The following RORA variants were observed in gnomAD, a reference collection of about 807,000 sequenced individuals.
RORA encodes RAR related orphan receptor A, also known as nuclear receptor ROR-alpha.
Under a neutral mutation model 69.5 loss-of-function variants are expected in RORA, and 7 were observed. That is an observed-to-expected ratio of 0.10 (90% CI 0.06 to 0.19). The LOEUF (loss-of-function observed/expected upper bound fraction) is 0.19. Among genes scored for constraint, RORA ranks in the 10% least tolerant of loss-of-function variants. RORA has a pLI of 1.00. For synonymous variants in RORA, 261 were observed against 240.8 expected, an observed-to-expected ratio of 1.08 and a Z score of -0.78; for missense variants, 457 against 663.0, an observed-to-expected ratio of 0.69 and a Z score of 3.41.
At chr15:61,133,043 G>A (rs2079205928) in intron 1 of RORA, among the ~76,000 whole-genome samples, 1 of 98,742 alleles carries the variant, frequency 1.0e-5, no homozygotes, top group Non-Finnish European at 2.8e-5. Context: ...AACTAAGTAT[G>A]CTTCAAAAGG....
At chr15:60,722,580 TC>T in intron 1 of RORA, among the ~76,000 whole-genome samples, 1 of 152,190 alleles carries the variant, frequency 6.6e-6, no homozygotes, top group East Asian at 1.9e-4. Context: ...TTCAGAACAA[TC>T]AAGAGTCCCA....
In RORA at chr15:60,956,579, C is replaced by T. The variant is rs549338036; in HGVS notation, c.166+272474G>A. On this transcript the variant is annotated intron_variant, in intron 1 of 10. Coordinates refer to ENST00000335670, the MANE Select transcript of RORA (RefSeq NM_134261.3). ...ACGATGCACTAGCTCTGTGATGATG[C>T]ACAGGTTTCATAAATATTCTGTGTC... Among the ~76,000 whole-genome samples, 8 of 152,266 alleles carry T rather than the reference C, an allele frequency of 5.3e-5. No homozygotes were observed. The South Asian group carries it at 1.7e-3, about 32-fold the overall frequency.
At chr15:60,821,462 C>T (rs1392751133) in intron 1 of RORA, among the ~76,000 whole-genome samples, 1 of 152,198 alleles carries the variant, frequency 6.6e-6, no homozygotes, top group Non-Finnish European at 1.5e-5. Flanking sequence ...CTTTCACCAC[C>T]CAAAGTGGCT....
At chr15:60,710,757 A>G (rs963454367) in intron 1 of RORA, among the ~76,000 whole-genome samples, 3 of 152,190 alleles carry the variant, frequency 2.0e-5, no homozygotes, top group African/African-American at 7.2e-5. Context: ...CTTTCTGGAC[A>G]GCTCCTGTGG....
At chr15:60,795,655 T>C (rs1463176149) in intron 1 of RORA, among the ~76,000 whole-genome samples, 5 of 152,178 alleles carry the variant, frequency 3.3e-5, no homozygotes, top group Admixed American at 2.6e-4. Context: ...CCTCCCTCCA[T>C]GGTGAGTAAG....
intron 1 of RORA, among the ~76,000 whole-genome samples, chr15:61,156,579 G>T (rs930840631): frequency 2.6e-5 from 4 of 152,052 alleles, no homozygotes; most frequent in African/African-American, 7.2e-5. Context: ...CAAACAGGAA[G>T]CCTGAGACCC....
At chr15:61,202,706 T>G (rs1423119240) in intron 1 of RORA, among the ~76,000 whole-genome samples, 1 of 151,926 alleles carries the variant, frequency 6.6e-6, no homozygotes, top group African/African-American at 2.4e-5. Context: ...CTAGAAAAAC[T>G]CTACCCCTTG....
chr15:60,548,145 GAGA>G (rs1409881589), intron 2 of RORA, among the ~76,000 whole-genome samples: 2 of 152,190 alleles, frequency 1.3e-5, no homozygotes, highest in Non-Finnish European at 2.9e-5. Context: ...AAAATTATAT[GAGA>G]AGAAGTTTAC....
intron 1 of RORA, among the ~76,000 whole-genome samples, chr15:61,106,371 G>A (rs552281041): frequency 9.9e-5 from 15 of 152,240 alleles, no homozygotes; most frequent in Admixed American, 3.9e-4. Context: ...GTTCAGAGGA[G>A]AAAAAGCAAT....
Position 61,086,899 on chromosome 15 carries a change from G to A in RORA, c.166+142154C>T, listed in dbSNP as rs139257381. Among the ~76,000 whole-genome samples the A allele has an allele frequency of 4.8e-3, 725 of 152,300 alleles. 11 individuals are homozygous for A. Among genetic ancestry groups the A allele is most frequent in the African/African-American group, 0.017 (687 of 41,564 alleles). On this transcript the variant is annotated intron_variant, in intron 1 of 10. Transcript: ENST00000335670. ...CCTACAAAAAGCATATGGGCAGGGT[G>A]CGGTGGTTCACGCCTGGAATCTCAA...
intron 1 of RORA, among the ~76,000 whole-genome samples, chr15:61,167,755 G>C (rs2079550747): frequency 6.6e-6 from 1 of 152,076 alleles, no homozygotes; most frequent in Admixed American, 6.5e-5. Flanking sequence ...ACCACCTCTG[G>C]GTTAGGTCCT....
At chr15:60,816,081 T>A (rs2072811939) in intron 1 of RORA, among the ~76,000 whole-genome samples, 1 of 133,148 alleles carries the variant, frequency 7.5e-6, no homozygotes, top group South Asian at 2.3e-4. Context: ...AAACAGTATA[T>A]GTATACTGTA....
At chr15:61,186,369 G>A (rs1268384477) in intron 1 of RORA, among the ~76,000 whole-genome samples, 2 of 151,886 alleles carry the variant, frequency 1.3e-5, no homozygotes, top group African/African-American at 4.8e-5. Flanking sequence ...GGCCAGGCAC[G>A]GTGGCTCATG....
At chr15:60,767,700 T>G (rs1320216748) in intron 1 of RORA, among the ~76,000 whole-genome samples, 1 of 152,220 alleles carries the variant, frequency 6.6e-6, no homozygotes, top group Non-Finnish European at 1.5e-5. Flanking sequence ...CTTCTTGTGT[T>G]TGTGTATTCT....
chr15:60,794,040 C>T (rs923252912), intron 1 of RORA, among the ~76,000 whole-genome samples: 3 of 152,212 alleles, frequency 2.0e-5, no homozygotes, highest in Admixed American at 1.3e-4. Context: ...AAATACAGTC[C>T]CTTCTTTGGC....
chr15:60,948,636 A>G (rs998328311), intron 1 of RORA, among the ~76,000 whole-genome samples: 1 of 149,130 alleles, frequency 6.7e-6, no homozygotes, highest in Non-Finnish European at 1.5e-5. Flanking sequence ...TTTAAAGATG[A>G]AAAAACTGAG....
chr15:60,989,681 C>A (rs1366010569), intron 1 of RORA, among the ~76,000 whole-genome samples: 1 of 152,188 alleles, frequency 6.6e-6, no homozygotes, highest in Non-Finnish European at 1.5e-5. Context: ...GGAATCTAGT[C>A]CAGACCACTC....
chr15:60,505,704 A>T, intron 5 of RORA, 75 bp from the exon 6 acceptor site: 1 of 1,516,794 alleles, frequency 6.6e-7, no homozygotes, highest in Non-Finnish European at 9.1e-7. Flanking sequence ...TATTTGCTTT[A>T]AGAAATAACA....
At chr15:60,935,567 T>C (rs1426757708) in intron 1 of RORA, among the ~76,000 whole-genome samples, 1 of 152,228 alleles carries the variant, frequency 6.6e-6, no homozygotes, top group Non-Finnish European at 1.5e-5. Context: ...ACACTAATGC[T>C]TACACTGGAA....
Sources: allele counts gnomAD v4.1 joint callset (sites outside exome capture counted in the v4.1 genomes callset), GRCh38; gene constraint gnomAD v4.1.1; transcripts MANE v1.5; gene names NCBI Gene and HGNC (gene_info 2026-07-23, HGNC 2026-07-21).